The following PDE10A variants were observed in gnomAD, a reference collection of about 807,000 sequenced individuals.
The protein encoded by PDE10A is cAMP and cAMP-inhibited cGMP 3',5'-cyclic phosphodiesterase 10A.
Under a neutral mutation model 97.7 loss-of-function variants are expected in PDE10A, and 39 were observed. The ratio of observed to expected loss-of-function variants is 0.40; its 90% CI spans 0.31 to 0.52. The LOEUF is 0.52. Among genes scored for constraint, PDE10A ranks in the 20% least tolerant of loss-of-function variants. The pLI is 0.56. For missense variants in PDE10A, 731 were observed against 1,047.8 expected (o/e 0.70, Z 4.17); for synonymous variants, 371 against 376.8 (o/e 0.98, Z 0.18).
At chr6:165,439,339 A>T (rs998973387) in intron 5 of PDE10A, among the ~76,000 whole-genome samples, 4 of 152,206 alleles carry the variant, frequency 2.6e-5, no homozygotes, top group Admixed American at 2.0e-4. Flanking sequence ...TAATTAGGAC[A>T]AGCATCTTTT....
chr6:165,961,883 G>T (rs1004916988), intron 1 of PDE10A, among the ~76,000 whole-genome samples: 10 of 152,242 alleles, frequency 6.6e-5, no homozygotes, highest in African/African-American at 1.9e-4. Context: ...TGCAGTAAAA[G>T]GTGGTTTGTG....
At chr6:165,960,668 A>G (rs924257510) in intron 1 of PDE10A, among the ~76,000 whole-genome samples, 8 of 152,226 alleles carry the variant, frequency 5.3e-5, no homozygotes, top group African/African-American at 1.4e-4. Flanking sequence ...CTGTACGGCA[A>G]GGGACGTGAG....
Position 165,798,854 on chromosome 6 carries a change from C to T in PDE10A, c.-615+188675G>A, listed in dbSNP as rs989553912. On this transcript the variant is annotated intron_variant, in intron 1 of 19. Transcript: ENST00000366882. ...TCCTGAGTAGCTGGGATTACAAGCA[C>T]GTGCCACCACGCCAGGCTAATTTTG... Among the ~76,000 whole-genome samples, 49 of 152,134 alleles carry T rather than the reference C, an allele frequency of 3.2e-4. 2 individuals are homozygous for T. Among genetic ancestry groups the T allele is most frequent in the Middle Eastern group, 6.8e-3 (2 of 294 alleles).
chr6:165,598,901 C>G (rs867065924), intron 1 of PDE10A, among the ~76,000 whole-genome samples: 1 of 152,180 alleles, frequency 6.6e-6, no homozygotes, highest in Non-Finnish European at 1.5e-5. Flanking sequence ...GGGGTCAGGA[C>G]TTCTAGCTCC....
intron 1 of PDE10A, among the ~76,000 whole-genome samples, chr6:165,648,067 G>A (rs1789493803): frequency 6.6e-6 from 1 of 152,110 alleles, no homozygotes; most frequent in African/African-American, 2.4e-5. Flanking sequence ...AGGCTGGAGT[G>A]CAGTGTGCAA....
chr6:165,740,700 C>G (rs1225974112), intron 1 of PDE10A, among the ~76,000 whole-genome samples: 1 of 152,074 alleles, frequency 6.6e-6, no homozygotes, highest in Non-Finnish European at 1.5e-5. Context: ...ACTTGGTGAA[C>G]CTGGAGGATA....
intron 1 of PDE10A, among the ~76,000 whole-genome samples, chr6:165,765,971 A>T (rs73030266): frequency 0.1 from 15,688 of 152,242 alleles, 994 homozygotes; most frequent in South Asian, 0.19. Flanking sequence ...CTAGTGCTTT[A>T]TTTCCCCCCT....
chr6:165,595,977 A>G (rs780352343), intron 1 of PDE10A, among the ~76,000 whole-genome samples: 5 of 152,242 alleles, frequency 3.3e-5, no homozygotes, highest in Non-Finnish European at 7.3e-5. Flanking sequence ...GACCACAGAA[A>G]TGGCCAAAAC....
At chr6:165,350,585 G>A (rs1246589548) in intron 18 of PDE10A, among the ~76,000 whole-genome samples, 1 of 152,174 alleles carries the variant, frequency 6.6e-6, no homozygotes, top group Non-Finnish European at 1.5e-5. Flanking sequence ...GTTTTGAATT[G>A]TGAGGATATG....
intron 3 of PDE10A, among the ~76,000 whole-genome samples, chr6:165,474,643 G>C (rs774445533): frequency 9.9e-5 from 15 of 151,924 alleles, no homozygotes; most frequent in Non-Finnish European, 2.2e-4. Context: ...ACCTGCACAT[G>C]CACCCTCGGT....
chr6:165,713,990 T>G (rs1016798144), intron 1 of PDE10A, among the ~76,000 whole-genome samples: 3 of 152,222 alleles, frequency 2.0e-5, no homozygotes, highest in African/African-American at 7.2e-5. Context: ...GAGGTGTGGT[T>G]GATGCATACA....
At chr6:165,577,460 C>T (rs1354976199) in intron 1 of PDE10A, among the ~76,000 whole-genome samples, 2 of 152,176 alleles carry the variant, frequency 1.3e-5, no homozygotes, top group Non-Finnish European at 2.9e-5. Context: ...GGCTTCAGCA[C>T]AGCAGGAAAC....
Position 165,392,726 on chromosome 6 carries a change from T to C in PDE10A, c.2374A>G (p.Asn792Asp). The change falls in exon 16 of 22, where the codon AAC (asparagine) becomes GAC (aspartate). Residue 792 changes from asparagine to aspartate, a missense_variant. Asn to Asp is a conservative substitution (Grantham distance 23, BLOSUM62 1). This residue lies in a region of PDE10A where 131 missense variants were observed against 187.4 expected (regional missense o/e 0.70). Coordinates refer to ENST00000539869, the MANE Select transcript of PDE10A (RefSeq NM_001385079.1). ...KKNYRRVPYH[N>D]WKHAVTVAHC... The stretch of plus-strand genomic sequence containing the variant: ...GCTACAGTGACCGCATGCTTCCAGT[T>C]GTGATAAGGAACCCGCCGATAGTTC... The C allele has an allele frequency of 6.2e-7, 1 of 1,613,968 alleles. No individual in the cohort carries two copies. Among genetic ancestry groups the C allele is most frequent in the Non-Finnish European group, 8.5e-7 (1 of 1,179,870 alleles).
intron 2 of PDE10A, among the ~76,000 whole-genome samples, chr6:165,503,981 T>A (rs1201362842): frequency 6.6e-6 from 1 of 152,234 alleles, no homozygotes; most frequent in Non-Finnish European, 1.5e-5. Context: ...AAAATTATTG[T>A]CATAAAATTC....
chr6:165,533,177 G>A (rs1316985114), intron 2 of PDE10A, among the ~76,000 whole-genome samples: 1 of 152,022 alleles, frequency 6.6e-6, no homozygotes, highest in African/African-American at 2.4e-5. Context: ...ATTCTTTGAT[G>A]GTGTGTTTAT....
intron 18 of PDE10A, among the ~76,000 whole-genome samples, chr6:165,369,954 C>G (rs1320110890): frequency 2.6e-5 from 4 of 151,472 alleles, no homozygotes; most frequent in South Asian, 2.1e-4. Flanking sequence ...AATTTTCAAC[C>G]CAGAATTTCA....
chr6:165,641,197 A>G (rs1434484537), intron 1 of PDE10A, among the ~76,000 whole-genome samples: 1 of 150,888 alleles, frequency 6.6e-6, no homozygotes, highest in African/African-American at 2.5e-5. Flanking sequence ...GTCAACAAAG[A>G]AAAAAAAATG....
chr6:165,390,552 T>A (rs1052484816), intron 16 of PDE10A, among the ~76,000 whole-genome samples: 3 of 151,982 alleles, frequency 2.0e-5, no homozygotes, highest in Non-Finnish European at 4.4e-5. Flanking sequence ...GGTGAAAGCA[T>A]GATAATGGAG....
chr6:165,845,816 TTA>T (rs113190741), intron 1 of PDE10A, among the ~76,000 whole-genome samples: 3,555 of 152,306 alleles, frequency 0.023, 55 homozygotes, highest in South Asian at 0.082. Flanking sequence ...ACATGATTTA[TTA>T]TATTCTCTTT....
Sources: gnomAD v4.1 joint callset for allele counts (sites outside exome capture counted in the v4.1 genomes callset) on GRCh38, gnomAD v4.1.1 for gene constraint, gnomAD v4.1.1 regional missense constraint, MANE v1.5 for transcripts, NCBI Gene and HGNC (gene_info 2026-07-23, HGNC 2026-07-21) for gene names.